FMN1: variants seen among roughly 807,000 people sequenced by gnomAD.
FMN1 encodes formin-1.
In FMN1, 110 loss-of-function variants were observed where a neutral mutation model predicts 132.4. The ratio of observed to expected loss-of-function variants is 0.83; its 90% CI spans 0.71 to 0.97. The LOEUF (loss-of-function observed/expected upper bound fraction) is 0.97. Among genes scored for constraint, FMN1 ranks in the 50% least tolerant of loss-of-function variants. FMN1 has a pLI of 0.00. For synonymous variants in FMN1, 722 were observed against 651.7 expected, an observed-to-expected ratio of 1.11 and a Z score of -1.64; for missense variants, 1,792 against 1,705.3, an observed-to-expected ratio of 1.05 and a Z score of -0.90.
intron 4 of FMN1, among the ~76,000 whole-genome samples, chr15:33,114,024 T>G (rs987907240): frequency 1.8e-4 from 28 of 152,246 alleles, no homozygotes; most frequent in African/African-American, 6.5e-4. Context: ...CTCCTCCCCT[T>G]GGCAGTTCTC....
chr15:33,143,104 T>A (rs2444971), intron 4 of FMN1, among the ~76,000 whole-genome samples: 139,918 of 152,288 alleles, frequency 0.92, 64,345 homozygotes, highest in East Asian at 1. Context: ...ATTTAAAAGA[T>A]CAGTTTCTTT....
intron 4 of FMN1, among the ~76,000 whole-genome samples, chr15:33,103,278 T>C (rs1277582513): frequency 6.6e-6 from 1 of 152,084 alleles, no homozygotes; most frequent in Admixed American, 6.6e-5. Flanking sequence ...CTCCAACCTC[T>C]TACTAGCCAA....
chr15:33,105,588 T>C (rs917259396), intron 4 of FMN1, among the ~76,000 whole-genome samples: 8 of 152,160 alleles, frequency 5.3e-5, no homozygotes, highest in Non-Finnish European at 1.0e-4. Context: ...TTACAGACTA[T>C]ATGGCTTTGA....
At chr15:33,094,436 T>C (rs1028239167) in intron 4 of FMN1, among the ~76,000 whole-genome samples, 4 of 152,170 alleles carry the variant, frequency 2.6e-5, no homozygotes, top group African/African-American at 9.7e-5. Context: ...TCAGAGAAGA[T>C]AAGGAGAATA....
At chr15:32,785,830 T>C (rs1044922837) in intron 19 of FMN1, among the ~76,000 whole-genome samples, 3 of 152,108 alleles carry the variant, frequency 2.0e-5, no homozygotes, top group African/African-American at 7.2e-5. Context: ...TAAAAGTTAA[T>C]GGCTTTGGAA....
chr15:32,858,090 T>C lies in FMN1; in HGVS notation c.3836-983A>G, dbSNP rs144205586. Among the ~76,000 whole-genome samples the C allele has an allele frequency of 1.6e-4, 25 of 152,284 alleles. No individual in the cohort carries two copies. In the East Asian group the frequency reaches 4.6e-3, roughly 28 times the overall value. ...ATCATGCCACCTGGGGTTCACAAAA[T>C]AGAGAAACATATACTACAGATCTTG... On this transcript the variant is annotated intron_variant, in intron 16 of 20. Coordinates refer to ENST00000616417, the MANE Select transcript of FMN1 (RefSeq NM_001277313.2).
intron 9 of FMN1, among the ~76,000 whole-genome samples, chr15:32,951,771 C>T (rs553529546): frequency 2.0e-5 from 3 of 152,150 alleles, no homozygotes; most frequent in Admixed American, 6.6e-5. Flanking sequence ...GAAAACTGTA[C>T]GAAGGGGCCT....
At chr15:33,087,798 CATATATACATATACACAT>C (rs1225157107) in intron 5 of FMN1, among the ~76,000 whole-genome samples, 3 of 121,466 alleles carry the variant, frequency 2.5e-5, no homozygotes, top group African/African-American at 8.9e-5. Context: ...TATATATTTA[CATATATACATATACACAT>C]ATATATACAT....
Position 32,985,083 on chromosome 15 carries a change from A to G in FMN1, c.2224-15606T>C, listed in dbSNP as rs78007669. On this transcript the variant is annotated intron_variant, in intron 7 of 20. Transcript: ENST00000616417. ...TATTCATTAACAAATGTTGCGCGAA[A>G]GGATTAGCAGTTACTTATTATCTTT... is the stretch of plus-strand genomic sequence containing the variant. 3.3e-3 allele frequency among the ~76,000 whole-genome samples: 497 copies of G among 152,006 alleles called. 6 individuals are homozygous for G. Among genetic ancestry groups the G allele is most frequent in the African/African-American group, 0.012 (482 of 41,492 alleles).
At chr15:32,997,584 G>A (rs1705371836) in intron 7 of FMN1, among the ~76,000 whole-genome samples, 1 of 152,150 alleles carries the variant, frequency 6.6e-6, no homozygotes. Flanking sequence ...GAAGCACTGA[G>A]CATGGTACCT....
chr15:33,048,474 A>G (rs1370959279), intron 6 of FMN1, among the ~76,000 whole-genome samples: 1 of 151,888 alleles, frequency 6.6e-6, no homozygotes, highest in Admixed American at 6.6e-5. Context: ...TCATGAAAGG[A>G]TATTTATGCA....
At position 32,857,109 on chromosome 15, in the gene FMN1, T is replaced by G; in HGVS notation, c.3836-2A>C. On this transcript the variant is annotated splice_acceptor_variant, in intron 16 of 20. Transcript: ENST00000616417. LOFTEE classifies it high-confidence loss of function. Reference sequence around the variant, plus strand: ...CCACCACCATCTGTTTCTCACTTGCTGTGAAGAGAAATTTAGAATTAGACT... The same window carrying G: ...CCACCACCATCTGTTTCTCACTTGCGGTGAAGAGAAATTTAGAATTAGACT... 6.2e-7 allele frequency: 1 copy of G among 1,610,804 alleles called. No homozygotes were observed. The highest frequency in any genetic ancestry group is 8.5e-7 in the Non-Finnish European group (1 of 1,176,998).
Position 33,054,238 on chromosome 15 carries a change from A to T in FMN1, c.2161+10719T>A, listed in dbSNP as rs113305556. 6.5e-3 allele frequency among the ~76,000 whole-genome samples: 992 copies of T among 152,308 alleles called. 10 individuals carry two copies. Among genetic ancestry groups the T allele is most frequent in the African/African-American group, 0.022 (919 of 41,560 alleles). The stretch of plus-strand genomic sequence containing the variant: ...GGGTTTTAGGAGATCTGTGCCTGGA[A>T]ATAGAGACAAAGACCAAAAATATAT... On this transcript the variant is annotated intron_variant, in intron 6 of 20. Transcript: ENST00000616417.
At chr15:33,060,186 A>C (rs1303317717) in intron 6 of FMN1, among the ~76,000 whole-genome samples, 3 of 152,206 alleles carry the variant, frequency 2.0e-5, no homozygotes, top group Non-Finnish European at 4.4e-5. Flanking sequence ...ACAATGCACA[A>C]ACCCATTCCC....
intron 6 of FMN1, among the ~76,000 whole-genome samples, chr15:33,062,146 A>C (rs1303032652): frequency 6.6e-6 from 1 of 152,186 alleles, no homozygotes; most frequent in African/African-American, 2.4e-5. Flanking sequence ...AAAAACAACT[A>C]TGGCAATATG....
At chr15:33,020,738 AAAAGAAAC>A (rs2035375634) in intron 6 of FMN1, among the ~76,000 whole-genome samples, 1 of 152,212 alleles carries the variant, frequency 6.6e-6, no homozygotes, top group Admixed American at 6.5e-5. Context: ...TTGTGTATAT[AAAAGAAAC>A]AGCACACATT....
intron 7 of FMN1, among the ~76,000 whole-genome samples, chr15:32,995,227 CAT>C (rs1431480806): frequency 6.6e-6 from 1 of 152,056 alleles, no homozygotes; most frequent in Non-Finnish European, 1.5e-5. Flanking sequence ...AAGTGTATTA[CAT>C]AGACACCTGT....
intron 19 of FMN1, among the ~76,000 whole-genome samples, chr15:32,783,283 CT>C: frequency 6.6e-6 from 1 of 152,146 alleles, no homozygotes; most frequent in Non-Finnish European, 1.5e-5. Context: ...TTTTTGAAAA[CT>C]TTATCTTTTC....
rs568097839 is a variant in FMN1 at position 33,094,593 on chromosome 15, G to A, written c.1868-5619C>T. On this transcript the variant is annotated intron_variant, in intron 4 of 20. Transcript: ENST00000616417. Reference sequence around the variant, plus strand: ...CTGGAAACAACAGCTCCTCAGGGTCGTTCATAGATACCCTATGATACTCCT... The same window carrying A: ...CTGGAAACAACAGCTCCTCAGGGTCATTCATAGATACCCTATGATACTCCT... Among the ~76,000 whole-genome samples, 149 of 152,288 alleles carry A rather than the reference G, an allele frequency of 9.8e-4. No homozygotes were observed. The Middle Eastern group carries it at 0.034, about 35-fold the overall frequency.
Sources: allele counts gnomAD v4.1 joint callset (sites outside exome capture counted in the v4.1 genomes callset), GRCh38; gene constraint gnomAD v4.1.1; transcripts MANE v1.5; gene names NCBI Gene and HGNC (gene_info 2026-07-23, HGNC 2026-07-21).